The following SYTL3 variants were observed in gnomAD, a reference collection of about 807,000 sequenced individuals.
SYTL3 encodes the protein synaptotagmin-like protein 3.
In SYTL3, 88 loss-of-function variants were observed where a neutral mutation model predicts 82.1. That is an observed-to-expected ratio of 1.07 (90% CI 0.90 to 1.28). The LOEUF is 1.28. Among genes scored for constraint, SYTL3 ranks in the 50% most tolerant of loss-of-function variants. The pLI is 0.00. For synonymous variants in SYTL3, 311 were observed against 289.4 expected (o/e 1.07, Z -0.76); for missense variants, 831 against 757.6 (o/e 1.10, Z -1.14).
At chr6:158,730,954 G>T (rs561788690) in intron 11 of SYTL3, among the ~76,000 whole-genome samples, 1 of 152,188 alleles carries the variant, frequency 6.6e-6, no homozygotes, top group Admixed American at 6.5e-5. Flanking sequence ...TCCCCATTAG[G>T]GGGGAGATTA....
At position 158,715,613 on chromosome 6, in the gene SYTL3, A is replaced by G. The variant is rs367982890; in HGVS notation, c.595+1735A>G. Among the ~76,000 whole-genome samples the G allele has an allele frequency of 4.2e-5, 6 of 141,834 alleles. No individual in the cohort carries two copies. In the East Asian group the frequency reaches 7.8e-4, roughly 19 times the overall value. 93.0% of individuals were successfully genotyped at this position (141,834 alleles called of 152,430 possible). A position where few individuals can be genotyped will look rare whatever the true frequency, so the allele number is the denominator to read the frequency against. On this transcript the variant is annotated intron_variant, in intron 9 of 17. Coordinates refer to ENST00000611299, the MANE Select transcript of SYTL3 (RefSeq NM_001242394.2). ...CTGAAACCGCATCACACACACACAC[A>G]CACGCACGCACCCAGCACCCCCCAT... is the stretch of plus-strand genomic sequence containing the variant.
At chr6:158,668,226 T>TTTTTA (rs1554241845) in intron 5 of SYTL3, among the ~76,000 whole-genome samples, 2 of 150,778 alleles carry the variant, frequency 1.3e-5, no homozygotes, top group East Asian at 3.9e-4. Context: ...GGGCAGAGTC[T>TTTTTA]TTTATTTATT....
intron 11 of SYTL3, among the ~76,000 whole-genome samples, chr6:158,741,098 C>T (rs902072085): frequency 3.9e-5 from 6 of 152,188 alleles, no homozygotes; most frequent in Admixed American, 1.3e-4. Flanking sequence ...GATGGAGTCT[C>T]GCTCTGTTGC....
At chr6:158,745,121 C>T (rs926991898) in intron 11 of SYTL3, among the ~76,000 whole-genome samples, 5 of 151,904 alleles carry the variant, frequency 3.3e-5, no homozygotes, top group Admixed American at 1.3e-4. Context: ...TGCCGCTTTC[C>T]GCATAGCTGT....
chr6:158,664,780 T>A (rs76112509), intron 4 of SYTL3, among the ~76,000 whole-genome samples: 3,483 of 152,290 alleles, frequency 0.023, 136 homozygotes, highest in African/African-American at 0.078. Flanking sequence ...TTGGCTCATC[T>A]TTTCTACAAG....
At chr6:158,757,513 G>T in intron 14 of SYTL3, 132 bp downstream of exon 14, 1 of 995,346 alleles carries the variant, frequency 1.0e-6, no homozygotes, top group Non-Finnish European at 1.5e-6. Flanking sequence ...CCGGCCTGGC[G>T]CTGTGACTTT....
At chr6:158,668,045 C>T (rs1033524120) in intron 5 of SYTL3, among the ~76,000 whole-genome samples, 8 of 152,144 alleles carry the variant, frequency 5.3e-5, no homozygotes, top group African/African-American at 7.2e-5. Flanking sequence ...GTAGCTACTA[C>T]TTTCATCCTC....
chr6:158,688,617 A>T (rs113848524), intron 6 of SYTL3, among the ~76,000 whole-genome samples: 2 of 152,368 alleles, frequency 1.3e-5, no homozygotes, highest in African/African-American at 4.8e-5. Flanking sequence ...AAATGAAATT[A>T]AAAAATTAAA....
At chr6:158,654,987 A>G (rs1788503483) in intron 2 of SYTL3, among the ~76,000 whole-genome samples, 1 of 152,160 alleles carries the variant, frequency 6.6e-6, no homozygotes, top group South Asian at 2.1e-4. Context: ...AGGAGACTGG[A>G]TCTAAGCTCC....
intron 5 of SYTL3, 115 bp from the exon 6 acceptor site, chr6:158,682,810 C>A: frequency 1.4e-6 from 1 of 705,296 alleles, no homozygotes. Flanking sequence ...AAATTGATTG[C>A]TGAGGTCCAT....
intron 13 of SYTL3, among the ~76,000 whole-genome samples, chr6:158,755,815 C>T (rs1426387866): frequency 1.3e-5 from 2 of 152,170 alleles, no homozygotes; most frequent in African/African-American, 4.8e-5. Flanking sequence ...CCCAAACAAG[C>T]GCCGGAGTGG....
At chr6:158,695,042 A>G (rs1780410617) in intron 6 of SYTL3, among the ~76,000 whole-genome samples, 1 of 152,252 alleles carries the variant, frequency 6.6e-6, no homozygotes, top group Non-Finnish European at 1.5e-5. Context: ...GGCAAACAAC[A>G]GCCTGCAAGC....
At chr6:158,669,049 T>C (rs1777065139) in intron 5 of SYTL3, among the ~76,000 whole-genome samples, 1 of 152,210 alleles carries the variant, frequency 6.6e-6, no homozygotes, top group Non-Finnish European at 1.5e-5. Context: ...AGAAACATCC[T>C]TGTTTTCCAC....
chr6:158,706,242 G>T (rs983135003), intron 6 of SYTL3, among the ~76,000 whole-genome samples: 3 of 152,094 alleles, frequency 2.0e-5, no homozygotes, highest in Admixed American at 6.6e-5. Flanking sequence ...AAAGACTCCT[G>T]CACTCGCTAT....
At chr6:158,648,149 C>G (rs1259592876), upstream of SYTL3, among the ~76,000 whole-genome samples, 1 of 152,030 alleles carries the variant, frequency 6.6e-6, no homozygotes, top group African/African-American at 2.4e-5. Flanking sequence ...CAAAATTAGC[C>G]AGGCATGGTG....
intron 11 of SYTL3, among the ~76,000 whole-genome samples, chr6:158,728,714 G>T (rs1278960502): frequency 6.6e-6 from 1 of 151,382 alleles, no homozygotes. Flanking sequence ...GCCAAGGCGG[G>T]TGGATCATGA....
chr6:158,650,042 G>T (rs1160940060), upstream of SYTL3: 5 of 152,074 alleles, frequency 3.3e-5, no homozygotes, highest in African/African-American at 1.2e-4. Flanking sequence ...TCTCTGCAGA[G>T]CCGGCTCTGG....
Position 158,764,526 on chromosome 6 carries a change from C to T in SYTL3, c.1755C>T (p.Cys585=). The change falls in exon 18 of 18, where the codon TGC becomes TGT. Residue 585 remains cysteine, a synonymous_variant. Transcript: ENST00000611299. ...KGDTAVGGDA[C]SLSKLQWQKV... is the part of the protein sequence containing the mutation. ...ACACAGCTGTTGGCGGGGATGCATG[C>T]TCACTATCGAAGCTCCAGTGGCAGA... 4.3e-6 allele frequency: 7 copies of T among 1,614,004 alleles called. No individual in the cohort carries two copies. Among genetic ancestry groups the T allele is most frequent in the Non-Finnish European group, 5.9e-6 (7 of 1,179,976 alleles).
At position 158,663,605 on chromosome 6, in the gene SYTL3, T is replaced by C. The variant is rs530314124; in HGVS notation, c.110+227T>C. On this transcript the variant is annotated intron_variant, in intron 4 of 17. Transcript: ENST00000611299. Reference sequence around the variant, plus strand: ...GAGGGAGGCCGCTCTTGTTATTCATTTAAAACGGTGCCTTTGGGCGGTAAG... The same window carrying C: ...GAGGGAGGCCGCTCTTGTTATTCATCTAAAACGGTGCCTTTGGGCGGTAAG... 114 of 985,284 alleles carry C rather than the reference T, an allele frequency of 1.2e-4. No individual in the cohort carries two copies. The African/African-American group carries it at 1.9e-3, about 16-fold the overall frequency. The allele number at this position is 985,284 out of a possible 1,614,324, so 61.0% of individuals were successfully genotyped here. A position where few individuals can be genotyped will look rare whatever the true frequency, so the allele number is the denominator to read the frequency against.
Sources: gnomAD v4.1 joint callset for allele counts (sites outside exome capture counted in the v4.1 genomes callset) on GRCh38, gnomAD v4.1.1 for gene constraint, MANE v1.5 for transcripts, NCBI Gene and HGNC (gene_info 2026-07-23, HGNC 2026-07-21) for gene names.